KAZN: variants seen among roughly 807,000 people sequenced by gnomAD.
KAZN encodes the protein kazrin, periplakin interacting protein, also known as kazrin.
Under a neutral mutation model 87.4 loss-of-function variants are expected in KAZN, and 40 were observed. The ratio of observed to expected loss-of-function variants is 0.46; its 90% CI spans 0.36 to 0.60. KAZN has a LOEUF of 0.60. Ranked by LOEUF, KAZN falls within the 20% of genes least tolerant of loss-of-function variation. KAZN has a pLI of 0.00. For missense variants in KAZN, 898 were observed against 1,073.9 expected (o/e 0.84, Z 2.29); for synonymous variants, 466 against 458.3 (o/e 1.02, Z -0.22).
At chr1:14,117,649 G>GT in intron 1 of KAZN, among the ~76,000 whole-genome samples, 1 of 152,194 alleles carries the variant, frequency 6.6e-6, no homozygotes, top group South Asian at 2.1e-4. Flanking sequence ...CCCTTCTAAA[G>GT]ACAGGCATAA....
intron 1 of KAZN, among the ~76,000 whole-genome samples, chr1:14,070,113 G>A (rs1479357253): frequency 1.5e-5 from 2 of 137,662 alleles, no homozygotes; most frequent in East Asian, 4.9e-4. Context: ...AGGTTGCAGT[G>A]AGCCGAGATC....
At position 14,893,560 on chromosome 1, in the gene KAZN, A is replaced by C. The variant is rs111899202; in HGVS notation, c.227-67124A>C. ...CCATCTTCCCTTCCTCCACACCCTA[A>C]CCTTGACTGATGGCCCCCTCGCCTT... On this transcript the variant is annotated intron_variant, in intron 1 of 14. Coordinates refer to ENST00000376030, the MANE Select transcript of KAZN (RefSeq NM_201628.3). 6.6e-5 allele frequency among the ~76,000 whole-genome samples: 10 copies of C among 151,156 alleles called. 1 individual carries two copies. Among genetic ancestry groups the C allele is most frequent in the African/African-American group, 2.4e-4 (10 of 41,120 alleles).
At chr1:14,624,308 G>C (rs1678933841) in intron 1 of KAZN, among the ~76,000 whole-genome samples, 1 of 152,124 alleles carries the variant, frequency 6.6e-6, no homozygotes, top group Non-Finnish European at 1.5e-5. Context: ...TGTAGTCCCA[G>C]CTACTCTAGA....
intron 1 of KAZN, among the ~76,000 whole-genome samples, chr1:14,712,414 T>C (rs917016152): frequency 6.6e-6 from 1 of 152,186 alleles, no homozygotes; most frequent in Non-Finnish European, 1.5e-5. Context: ...GCCACTGAGA[T>C]GCTGTGTGGG....
At chr1:15,048,613 T>TGGTCCTGGGTCGTCGGTCCTGGGTCGTC (rs1428878494) in intron 4 of KAZN, among the ~76,000 whole-genome samples, 3 of 130,986 alleles carry the variant, frequency 2.3e-5, no homozygotes, top group African/African-American at 4.1e-5. Flanking sequence ...CCTGGGTCGC[T>TGGTCCTGGGTCGTCGGTCCTGGGTCGTC]GGTCCTGGGT....
chr1:14,154,996 T>TC (rs1553136611), intron 1 of KAZN, among the ~76,000 whole-genome samples: 1 of 149,862 alleles, frequency 6.7e-6, no homozygotes, highest in Non-Finnish European at 1.5e-5. Context: ...CTTCCTTCCT[T>TC]TTTCTGATGT....
chr1:14,461,658 G>A (rs2148350237), intron 2 of KAZN, among the ~76,000 whole-genome samples: 1 of 152,232 alleles, frequency 6.6e-6, no homozygotes, highest in East Asian at 1.9e-4. Context: ...TGAACTGAGG[G>A]GACAAGACAT....
chr1:15,110,043 A>G (rs111063541), intron 13 of KAZN, among the ~76,000 whole-genome samples: 3 of 882 alleles, frequency 3.4e-3, no homozygotes, highest in East Asian at 0.062. Flanking sequence ...GTATGTGTGT[A>G]TATATATATG....
chr1:14,196,054 G>A (rs1646520156), intron 2 of KAZN, among the ~76,000 whole-genome samples: 1 of 152,106 alleles, frequency 6.6e-6, no homozygotes, highest in Non-Finnish European at 1.5e-5. Context: ...GGATGTCAAG[G>A]GAGAGACCAT....
At chr1:14,031,216 C>A (rs1436328718) in intron 1 of KAZN, among the ~76,000 whole-genome samples, 5 of 152,092 alleles carry the variant, frequency 3.3e-5, no homozygotes, top group Non-Finnish European at 5.9e-5. Flanking sequence ...AAGGTATGTC[C>A]AAATACCATG....
chr1:14,514,592 ATT>A lies in KAZN; in HGVS notation c.250-84388_250-84387del, dbSNP rs1491219443. 1.6e-4 allele frequency among the ~76,000 whole-genome samples: 15 copies of A among 92,064 alleles called. No homozygotes were observed. The East Asian group carries it at 5.0e-3, about 31-fold the overall frequency. The allele number at this position is 92,064 out of a possible 152,430, so 60.4% of individuals were successfully genotyped here. The stretch of plus-strand genomic sequence containing the variant: ...CTATATATTTTATATATTTTTTTAT[ATT>A]TTATATATATATATATATATATATA... On this transcript the variant is annotated intron_variant, in intron 2 of 16. Transcript: ENST00000636203.
intron 1 of KAZN, among the ~76,000 whole-genome samples, chr1:14,128,474 G>T (rs1486313960): frequency 6.6e-6 from 1 of 152,160 alleles, no homozygotes; most frequent in Middle Eastern, 3.2e-3. Context: ...AGGGGTGGTT[G>T]CTCCTGTGGT....
At chr1:14,562,757 A>AT (rs1674331839) in intron 2 of KAZN, among the ~76,000 whole-genome samples, 1 of 152,118 alleles carries the variant, frequency 6.6e-6, no homozygotes, top group Non-Finnish European at 1.5e-5. Flanking sequence ...CCCTGTGTTT[A>AT]TTTTCCAATC....
At chr1:14,262,522 G>C (rs974825489) in intron 2 of KAZN, among the ~76,000 whole-genome samples, 1 of 152,130 alleles carries the variant, frequency 6.6e-6, no homozygotes, top group Admixed American at 6.5e-5. Flanking sequence ...TAAATTCTAC[G>C]CTAGAGCCTT....
At chr1:14,873,968 C>A (rs1337520826) in intron 1 of KAZN, among the ~76,000 whole-genome samples, 1 of 152,108 alleles carries the variant, frequency 6.6e-6, no homozygotes, top group Non-Finnish European at 1.5e-5. Flanking sequence ...CTTGTCATTT[C>A]TTGAAATAGA....
intron 1 of KAZN, among the ~76,000 whole-genome samples, chr1:14,818,289 T>C (rs368927228): frequency 1.3e-5 from 2 of 152,334 alleles, no homozygotes; most frequent in South Asian, 2.1e-4. Context: ...TGCGAGTGTA[T>C]ATCCATCAAG....
chr1:14,527,399 A>C (rs1671932779), intron 2 of KAZN, among the ~76,000 whole-genome samples: 1 of 152,074 alleles, frequency 6.6e-6, no homozygotes, highest in Non-Finnish European at 1.5e-5. Context: ...AAATGCAAAA[A>C]TTAGCCAGGC....
At chr1:14,614,802 G>T (rs545536564) in intron 1 of KAZN, among the ~76,000 whole-genome samples, 2 of 152,222 alleles carry the variant, frequency 1.3e-5, no homozygotes, top group African/African-American at 4.8e-5. Context: ...AGATTTGTTT[G>T]AACAAACTAA....
chr1:14,945,841 G>A (rs1211549427), intron 1 of KAZN: 21 of 984,744 alleles, frequency 2.1e-5, no homozygotes, highest in South Asian at 4.7e-5. Flanking sequence ...GCTCCGGCCC[G>A]GAAGACTTGG....
Sources: allele counts gnomAD v4.1 joint callset (sites outside exome capture counted in the v4.1 genomes callset), GRCh38; gene constraint gnomAD v4.1.1; transcripts MANE v1.5; gene names NCBI Gene and HGNC (gene_info 2026-07-23, HGNC 2026-07-21).